The following DMXL1 variants were observed in gnomAD, a reference collection of about 807,000 sequenced individuals.
DMXL1 encodes the protein dmX-like protein 1.
Under a neutral mutation model 319.2 loss-of-function variants are expected in DMXL1, and 99 were observed. That is an observed-to-expected ratio of 0.31 (90% CI 0.26 to 0.37). The LOEUF (loss-of-function observed/expected upper bound fraction) is 0.37, where lower values mean the gene tolerates loss of function less well. Among genes scored for constraint, DMXL1 ranks in the 10% least tolerant of loss-of-function variants. The pLI is 1.00. For missense variants in DMXL1, 3,745 were observed against 3,595.6 expected (o/e 1.04, Z -1.06); for synonymous variants, 1,385 against 1,235.2 (o/e 1.12, Z -2.54).
At chr5:119,212,844 G>C (rs1405056892) in intron 34 of DMXL1, among the ~76,000 whole-genome samples, 1 of 152,010 alleles carries the variant, frequency 6.6e-6, no homozygotes, top group Non-Finnish European at 1.5e-5. Context: ...ATTTTTAGCT[G>C]ACTGTATCAT....
At position 119,244,401 on chromosome 5, in the gene DMXL1, C is replaced by G. The variant is rs778578422; in HGVS notation, c.8747C>G (p.Ala2916Gly). The G allele has an allele frequency of 6.2e-7, 1 of 1,613,974 alleles. No individual in the cohort carries two copies. Among genetic ancestry groups the G allele is most frequent in the East Asian group, 2.2e-5 (1 of 44,864 alleles). The change falls in exon 43 of 44, where the codon GCT becomes GGT. Residue 2916 changes from alanine to glycine, a missense_variant. By Grantham distance (60) the Ala-to-Gly change is moderately conservative (BLOSUM62 0). Transcript: ENST00000539542. ...AGTGGAGCCACAGTTTTAGCATATG[C>G]TCCAAAACATCAGCTACTAATATCA... ...HDSGATVLAYAPKHQLLISGG... is the reference protein window; with the variant it reads ...HDSGATVLAYGPKHQLLISGG...
intron 28 of DMXL1, among the ~76,000 whole-genome samples, chr5:119,186,494 T>A (rs962101499): frequency 2.0e-4 from 31 of 152,168 alleles, no homozygotes; most frequent in Non-Finnish European, 2.9e-5. Flanking sequence ...CTAAGTTCAG[T>A]TTTTAAAGAA....
chr5:119,193,847 A>G lies in DMXL1; in HGVS notation c.7334A>G (p.Gln2445Arg). Residue 2445 changes from glutamine (Q) to arginine (R), a missense_variant, in exon 30 of 44, where the codon CAA becomes CGA. By Grantham distance (43) the Gln-to-Arg change is conservative. Coordinates refer to ENST00000539542, the MANE Select transcript of DMXL1 (RefSeq NM_001290321.3). ...TTTTAGCCTTTTCTACCCTCTTCTC[A>G]AAGTAGAGCCGAATATGATTCAGAG... is the stretch of plus-strand genomic sequence containing the variant. Reference protein sequence around the residue: ...FIAKPFLPSSQSRAEYDSEES... With the variant: ...FIAKPFLPSSRSRAEYDSEES... 1.2e-6 allele frequency: 2 copies of G among 1,612,626 alleles called. No individual in the cohort carries two copies. The highest frequency in any genetic ancestry group is 1.3e-5 in the African/African-American group (1 of 74,952).
At chr5:119,128,049 A>G (rs893231344) in intron 9 of DMXL1, 18 of 438,522 alleles carry the variant, frequency 4.1e-5, no homozygotes, top group South Asian at 9.4e-5. Flanking sequence ...GTGGTCCTCA[A>G]TTTACTATCA....
In DMXL1 at chr5:119,162,079, C is replaced by CA. The variant is rs2150209954; in HGVS notation, c.4703-2428_4703-2427insA. ...ACACTGGGGAAGCTCAATGTCTGAC[C>CA]GTGGCTTTCTTTTTCCACTGTACAA... is the stretch of plus-strand genomic sequence containing the variant. On this transcript the variant is annotated intron_variant, in intron 19 of 43. Coordinates refer to ENST00000539542, the MANE Select transcript of DMXL1 (RefSeq NM_001290321.3). Among the ~76,000 whole-genome samples, 4 of 152,286 alleles carry CA rather than the reference C, an allele frequency of 2.6e-5. No homozygotes were observed. The East Asian group carries it at 7.7e-4, about 29-fold the overall frequency.
intron 34 of DMXL1, among the ~76,000 whole-genome samples, chr5:119,210,756 C>CTTTTTTTTTTTTTTTTTTTTTTTTT (rs1205202596): frequency 4.5e-5 from 3 of 65,944 alleles, no homozygotes; most frequent in African/African-American, 1.5e-4. Flanking sequence ...TTTTTTCTTT[C>CTTTTTTTTTTTTTTTTTTTTTTTTT]GTTTTTTTTT....
At chr5:119,179,465 G>A (rs1027815096) in intron 28 of DMXL1, among the ~76,000 whole-genome samples, 18 of 152,032 alleles carry the variant, frequency 1.2e-4, no homozygotes, top group African/African-American at 3.9e-4. Context: ...GTTTTGGGAG[G>A]TCAAGCAGTT....
intron 34 of DMXL1, among the ~76,000 whole-genome samples, chr5:119,210,259 T>C (rs1782516525): frequency 6.6e-6 from 1 of 152,186 alleles, no homozygotes. Flanking sequence ...CCACAAGTTC[T>C]TTTGAAGTGC....
At position 119,133,079 on chromosome 5, in the gene DMXL1, T is replaced by C. The variant is rs889147220; in HGVS notation, c.1316-53T>C. 11 of 1,582,242 alleles carry C rather than the reference T, an allele frequency of 7.0e-6. No homozygotes were observed. The South Asian group carries it at 1.3e-4, about 18-fold the overall frequency. On this transcript the variant is annotated intron_variant, in intron 10 of 43. Transcript: ENST00000539542. Reference sequence around the variant, plus strand: ...TCCAGAAGCTCGGTAATTCTTAATTTATAGTAATAACCTGTTTGTATTTAC... The same window carrying C: ...TCCAGAAGCTCGGTAATTCTTAATTCATAGTAATAACCTGTTTGTATTTAC...
intron 24 of DMXL1, 64 bp downstream of exon 24, chr5:119,171,344 T>C: frequency 6.7e-7 from 1 of 1,499,370 alleles, no homozygotes; most frequent in South Asian, 1.4e-5. Context: ...TGTTTCTTTT[T>C]TGGTTTTGAA....
chr5:119,112,723 G>A (rs374611783), intron 5 of DMXL1, among the ~76,000 whole-genome samples: 2 of 152,158 alleles, frequency 1.3e-5, no homozygotes, highest in Admixed American at 6.5e-5. Context: ...TTGGGAGGCC[G>A]AGGTGGGTGG....
At chr5:119,165,467 G>T (rs1773225174) in intron 21 of DMXL1, among the ~76,000 whole-genome samples, 187 bp downstream of exon 21, 1 of 152,178 alleles carries the variant, frequency 6.6e-6, no homozygotes, top group Admixed American at 6.5e-5. Context: ...GAAGAAACCT[G>T]ATGAGGTCAG....
intron 28 of DMXL1, chr5:119,178,582 CT>C: frequency 1.0e-6 from 1 of 984,736 alleles, no homozygotes; most frequent in South Asian, 4.7e-5. Flanking sequence ...CAGGAAGGCA[CT>C]TTGCTATGCC....
chr5:119,139,824 T>A (rs183512134), intron 13 of DMXL1, among the ~76,000 whole-genome samples: 7 of 152,188 alleles, frequency 4.6e-5, no homozygotes, highest in African/African-American at 1.7e-4. Context: ...GAATATATAT[T>A]CCTCTCATTG....
chr5:119,204,237 A>G (rs1339750036), intron 33 of DMXL1, among the ~76,000 whole-genome samples: 2 of 152,144 alleles, frequency 1.3e-5, no homozygotes, highest in Non-Finnish European at 2.9e-5. Context: ...TCCCAGGCTC[A>G]AGCGATCCTC....
chr5:119,163,918 G>T (rs1295741662), intron 19 of DMXL1, among the ~76,000 whole-genome samples: 1 of 151,980 alleles, frequency 6.6e-6, no homozygotes, highest in Non-Finnish European at 1.5e-5. Context: ...CACCATGTTG[G>T]CCAGACTGGT....
At chr5:119,240,505 G>A in intron 42 of DMXL1, 34 bp downstream of exon 42, 1 of 1,420,890 alleles carries the variant, frequency 7.0e-7, no homozygotes, top group Non-Finnish European at 9.9e-7. Context: ...AATTTTGAAA[G>A]TCAGGAAATT....
At chr5:119,173,797 T>TATATATATATATATATATATATATAA (rs1305561997) in intron 25 of DMXL1, among the ~76,000 whole-genome samples, 14 of 130,754 alleles carry the variant, frequency 1.1e-4, no homozygotes, top group African/African-American at 2.3e-4. Context: ...TATATATATA[T>TATATATATATATATATATATATATAA]AATGAGAGAG....
chr5:119,224,830 T>G (rs1210798414), intron 38 of DMXL1, 61 bp downstream of exon 38: 2 of 771,116 alleles, frequency 2.6e-6, no homozygotes, highest in Non-Finnish European at 3.8e-6. Context: ...TTTGGTAATT[T>G]TATTATAAGA....
Sources: allele counts gnomAD v4.1 joint callset (sites outside exome capture counted in the v4.1 genomes callset), GRCh38; gene constraint gnomAD v4.1.1; transcripts MANE v1.5; gene names NCBI Gene and HGNC (gene_info 2026-07-23, HGNC 2026-07-21).